AK5: variants seen among roughly 807,000 people sequenced by gnomAD.
The protein encoded by AK5 is adenylate kinase 5, also known as adenylate kinase isoenzyme 5.
In AK5, 27 loss-of-function variants were observed where a neutral mutation model predicts 69.5. That is an observed-to-expected ratio of 0.39 (90% confidence interval 0.29 to 0.54). AK5 has a LOEUF of 0.54. Ranked by LOEUF, AK5 falls within the 20% of genes least tolerant of loss-of-function variation. AK5 has a pLI of 0.71. For synonymous variants in AK5, 260 were observed against 244.4 expected (o/e 1.06, Z -0.60); for missense variants, 531 against 700.4 (o/e 0.76, Z 2.73).
intron 8 of AK5, among the ~76,000 whole-genome samples, chr1:77,434,223 A>G (rs759315262): frequency 5.3e-5 from 8 of 152,002 alleles, no homozygotes; most frequent in African/African-American, 1.9e-4. Context: ...ACAACATAAT[A>G]AGAATTCTGA....
chr1:77,295,835 T>C lies in AK5; in HGVS notation c.416-1724T>C, dbSNP rs141910611. ...GTGTACTATGAATTTTATATGAAAA[T>C]GATTAAAATATTTCAATAAACTAAG... On this transcript the variant is annotated intron_variant, in intron 3 of 13. Coordinates refer to ENST00000354567, the MANE Select transcript of AK5 (RefSeq NM_174858.3). Among the ~76,000 whole-genome samples the C allele has an allele frequency of 3.5e-4, 53 of 152,290 alleles. 1 individual carries two copies. The East Asian group carries it at 8.7e-3, about 25-fold the overall frequency.
rs540276951 is a variant in AK5 at position 77,394,675 on chromosome 1, A to G, written c.892-16306A>G. Among the ~76,000 whole-genome samples the G allele has an allele frequency of 6.6e-5, 10 of 152,356 alleles. No homozygotes were observed. In the South Asian group the frequency reaches 1.5e-3, roughly 22 times the overall value. ...AATTAATTAATATAAATGGCCACAC[A>G]GTAATGTCACTTTCTCACTCATCTC... On this transcript the variant is annotated intron_variant, in intron 6 of 13. Coordinates refer to ENST00000354567, the MANE Select transcript of AK5 (RefSeq NM_174858.3).
intron 10 of AK5, among the ~76,000 whole-genome samples, chr1:77,493,336 C>G (rs946808815): frequency 3.4e-5 from 5 of 146,630 alleles, no homozygotes; most frequent in African/African-American, 1.2e-4. Flanking sequence ...CAGCCCCCCC[C>G]AGGTTCTCAG....
intron 13 of AK5, among the ~76,000 whole-genome samples, chr1:77,557,809 G>A (rs747245007): frequency 6.6e-6 from 1 of 152,106 alleles, no homozygotes; most frequent in Admixed American, 6.6e-5. Context: ...TTTTAGAGAA[G>A]TCTTAGCTTC....
intron 6 of AK5, among the ~76,000 whole-genome samples, chr1:77,350,967 C>T (rs1557518754): frequency 6.6e-6 from 1 of 152,184 alleles, no homozygotes; most frequent in Non-Finnish European, 1.5e-5. Context: ...TTAATTCAAT[C>T]GTTATACATG....
At chr1:77,444,747 T>C (rs1652639519) in intron 8 of AK5, among the ~76,000 whole-genome samples, 1 of 147,386 alleles carries the variant, frequency 6.8e-6, no homozygotes, top group Non-Finnish European at 1.5e-5. Flanking sequence ...TATTTGACTT[T>C]TCTGTAGAGA....
chr1:77,406,500 C>A (rs912685645), intron 6 of AK5, among the ~76,000 whole-genome samples: 3 of 152,072 alleles, frequency 2.0e-5, no homozygotes, highest in African/African-American at 7.2e-5. Context: ...ATTCAGTGGC[C>A]ACCTTGTATC....
intron 13 of AK5, among the ~76,000 whole-genome samples, chr1:77,555,444 A>G (rs1660051774): frequency 6.6e-6 from 1 of 152,178 alleles, no homozygotes; most frequent in Non-Finnish European, 1.5e-5. Context: ...ACTGGTCAGC[A>G]TAGTGTAATG....
At chr1:77,449,019 T>C (rs1652956256) in intron 8 of AK5, among the ~76,000 whole-genome samples, 2 of 152,182 alleles carry the variant, frequency 1.3e-5, no homozygotes, top group South Asian at 4.1e-4. Flanking sequence ...CGGGCTCTCA[T>C]AGAGAACCTC....
In AK5 at chr1:77,397,575, G is replaced by A. The variant is rs116438809; in HGVS notation, c.892-13406G>A. On this transcript the variant is annotated intron_variant, in intron 6 of 13. Transcript: ENST00000354567. ...ATAAACATTAAGCTTCTCACTACTG[G>A]CAACATTAAATGTGTGTATTAACTA... Among the ~76,000 whole-genome samples the A allele has an allele frequency of 4.6e-3, 707 of 152,144 alleles. 9 individuals are homozygous for A. Among genetic ancestry groups the A allele is most frequent in the African/African-American group, 0.016 (661 of 41,488 alleles).
intron 5 of AK5, among the ~76,000 whole-genome samples, chr1:77,308,688 C>T (rs1051480524): frequency 6.6e-6 from 1 of 151,996 alleles, no homozygotes; most frequent in Non-Finnish European, 1.5e-5. Flanking sequence ...GGTGGATTTC[C>T]ATAGGGAGGT....
At position 77,372,567 on chromosome 1, in the gene AK5, A is replaced by G. The variant is rs866989171; in HGVS notation, c.891+31999A>G. The stretch of plus-strand genomic sequence containing the variant: ...TTTAACTTACAGTGTCAAAATATCA[A>G]TGTTTCCTAATGAGCTTCTAAACCT... On this transcript the variant is annotated intron_variant, in intron 6 of 13. Transcript: ENST00000354567. Among the ~76,000 whole-genome samples the G allele has an allele frequency of 1.1e-4, 16 of 152,214 alleles. 1 individual carries two copies. Among genetic ancestry groups the G allele is most frequent in the Admixed American group, 8.5e-4 (13 of 15,278 alleles).
intron 6 of AK5, 61 bp downstream of exon 6, chr1:77,340,629 C>T: frequency 6.7e-7 from 1 of 1,482,214 alleles, no homozygotes; most frequent in South Asian, 1.3e-5. Context: ...TTCTCATTAG[C>T]CCATGTTCTC....
chr1:77,353,034 C>T (rs1013495189), intron 6 of AK5, among the ~76,000 whole-genome samples: 2 of 152,016 alleles, frequency 1.3e-5, no homozygotes, highest in Non-Finnish European at 2.9e-5. Flanking sequence ...TTTAATTTAC[C>T]TTTACATACT....
chr1:77,412,916 G>A (rs4949654), intron 7 of AK5, among the ~76,000 whole-genome samples: 63,653 of 151,740 alleles, frequency 0.42, 14,652 homozygotes, highest in Non-Finnish European at 0.53. Context: ...CCAAACCTTT[G>A]TCTTTATTCC....
chr1:77,512,167 A>G (rs769226386), intron 10 of AK5, among the ~76,000 whole-genome samples: 14 of 152,304 alleles, frequency 9.2e-5, no homozygotes, highest in Admixed American at 1.3e-4. Context: ...ACTTAGAGAA[A>G]ATAAACGTTG....
At chr1:77,380,503 C>T (rs1158264762) in intron 6 of AK5, among the ~76,000 whole-genome samples, 2 of 152,152 alleles carry the variant, frequency 1.3e-5, no homozygotes, top group Non-Finnish European at 2.9e-5. Flanking sequence ...TATTTATTGA[C>T]CATTTACAAT....
chr1:77,487,723 A>C (rs1009980418), intron 10 of AK5, among the ~76,000 whole-genome samples: 1 of 152,198 alleles, frequency 6.6e-6, no homozygotes, highest in Non-Finnish European at 1.5e-5. Flanking sequence ...CAGGGAGAGG[A>C]CCAGGGTCTC....
intron 5 of AK5, among the ~76,000 whole-genome samples, chr1:77,331,748 T>G (rs1369698136): frequency 6.6e-6 from 1 of 152,180 alleles, no homozygotes; most frequent in East Asian, 1.9e-4. Context: ...ATATTCCCTT[T>G]TTTTGGTATT....
Sources: allele counts gnomAD v4.1 joint callset (sites outside exome capture counted in the v4.1 genomes callset), GRCh38; gene constraint gnomAD v4.1.1; transcripts MANE v1.5; gene names NCBI Gene and HGNC (gene_info 2026-07-23, HGNC 2026-07-21).